The following CACNG2 variants were observed in gnomAD, a reference collection of about 807,000 sequenced individuals.
CACNG2 encodes the protein voltage-dependent calcium channel gamma-2 subunit.
CACNG2 carries 3 observed loss-of-function variants against 25.9 expected under a neutral mutation model. The ratio of observed to expected loss-of-function variants is 0.12; its 90% CI spans 0.05 to 0.30. CACNG2 has a LOEUF of 0.30. Among genes scored for constraint, CACNG2 ranks in the 10% least tolerant of loss-of-function variants. The pLI is 1.00. For missense variants in CACNG2, 341 were observed against 432.5 expected, an observed-to-expected ratio of 0.79 and a Z score of 1.88; for synonymous variants, 167 against 173.3, an observed-to-expected ratio of 0.96 and a Z score of 0.29.
At chr22:36,640,739 CAGCCAG>C in intron 1 of CACNG2, among the ~76,000 whole-genome samples, 1 of 152,362 alleles carries the variant, frequency 6.6e-6, no homozygotes, top group African/African-American at 2.4e-5. Context: ...GTCCACCCAG[CAGCCAG>C]AGCCAGCTTC....
chr22:36,614,255 C>T (rs1242028748), intron 1 of CACNG2, among the ~76,000 whole-genome samples: 1 of 152,186 alleles, frequency 6.6e-6, no homozygotes, highest in Admixed American at 6.5e-5. Context: ...CCACGTGCTT[C>T]CTGGCTGTCC....
At chr22:36,587,775 G>A (rs1361288200) in intron 1 of CACNG2, among the ~76,000 whole-genome samples, 1 of 152,226 alleles carries the variant, frequency 6.6e-6, no homozygotes, top group Non-Finnish European at 1.5e-5. Context: ...TCAAAACGCT[G>A]CCTTCTGTCC....
At chr22:36,615,082 C>A (rs1336245942) in intron 1 of CACNG2, among the ~76,000 whole-genome samples, 2 of 152,322 alleles carry the variant, frequency 1.3e-5, no homozygotes, top group African/African-American at 4.8e-5. Flanking sequence ...CACAATGTAC[C>A]TCCACTGCCC....
chr22:36,649,285 G>A (rs1936572878), intron 1 of CACNG2, among the ~76,000 whole-genome samples: 1 of 152,106 alleles, frequency 6.6e-6, no homozygotes, highest in Admixed American at 6.5e-5. Context: ...AATCCTGACA[G>A]CTCTACTTCC....
chr22:36,583,400 T>C lies in CACNG2; in HGVS notation c.295+4065A>G, dbSNP rs977487169. ...GTGAGCCAAGATTGTACCACTGCAC[T>C]CCAGCCTGGGTGACAGAGCAAGATT... On this transcript the variant is annotated intron_variant, in intron 2 of 3. Coordinates refer to ENST00000300105, the MANE Select transcript of CACNG2 (RefSeq NM_006078.5). 3.1e-4 allele frequency among the ~76,000 whole-genome samples: 45 copies of C among 147,358 alleles called. 1 individual carries two copies. The highest frequency in any genetic ancestry group is 8.6e-4 in the South Asian group (4 of 4,666).
chr22:36,692,734 A>G (rs889716643), intron 1 of CACNG2, among the ~76,000 whole-genome samples: 9 of 152,204 alleles, frequency 5.9e-5, no homozygotes, highest in Admixed American at 2.0e-4. Flanking sequence ...AAATTAGACA[A>G]GACTTTGGGG....
At chr22:36,600,600 G>T (rs1375223423) in intron 1 of CACNG2, among the ~76,000 whole-genome samples, 2 of 150,844 alleles carry the variant, frequency 1.3e-5, no homozygotes, top group African/African-American at 2.4e-5. Flanking sequence ...AGGCTGGAGT[G>T]CAGTGGTGTG....
intron 1 of CACNG2, among the ~76,000 whole-genome samples, chr22:36,654,829 G>C (rs993022868): frequency 6.6e-6 from 1 of 152,178 alleles, no homozygotes; most frequent in Admixed American, 6.5e-5. Context: ...CAAGTTCTCA[G>C]CTCCTTTAGG....
intron 1 of CACNG2, among the ~76,000 whole-genome samples, chr22:36,655,231 G>A (rs1302766527): frequency 6.6e-6 from 1 of 152,182 alleles, no homozygotes; most frequent in Admixed American, 6.5e-5. Context: ...TTGGAGGTCT[G>A]TAATTTGTTA....
At chr22:36,671,145 C>G (rs956884291) in intron 1 of CACNG2, among the ~76,000 whole-genome samples, 1 of 152,094 alleles carries the variant, frequency 6.6e-6, no homozygotes, top group African/African-American at 2.4e-5. Context: ...TCTTGAACTC[C>G]TGATCTCATG....
At chr22:36,691,722 G>T (rs563470013) in intron 1 of CACNG2, among the ~76,000 whole-genome samples, 112 of 152,272 alleles carry the variant, frequency 7.4e-4, no homozygotes, top group African/African-American at 2.6e-3. Flanking sequence ...GGGTATCACA[G>T]CACATATCTT....
At chr22:36,641,560 G>C (rs1223848983) in intron 1 of CACNG2, among the ~76,000 whole-genome samples, 1 of 152,240 alleles carries the variant, frequency 6.6e-6, no homozygotes, top group Non-Finnish European at 1.5e-5. Flanking sequence ...GGTCCAGTTG[G>C]AAGGGTGGAG....
Position 36,564,688 on chromosome 22 carries a change from G to T in CACNG2, c.635C>A (p.Ala212Asp), listed in dbSNP as rs931411438. The change falls in exon 4 of 4, where the codon GCC (alanine) becomes GAC (aspartate). Residue 212 changes from alanine (A) to aspartate (D), a missense_variant. Coordinates refer to ENST00000300105, the MANE Select transcript of CACNG2 (RefSeq NM_006078.5). The surrounding 1 kb of genome is among the most constrained non-coding windows in gnomAD (Gnocchi z 6.7). ...IDRHKQLRATARATDYLQASA... is the reference protein window; with the variant it reads ...IDRHKQLRATDRATDYLQASA... ...GGCCTGGAGGTAGTCCGTGGCGCGG[G>T]CCGTGGCCCGCAGCTGTTTGTGCCG... is the stretch of plus-strand genomic sequence containing the variant. The T allele has an allele frequency of 1.2e-6, 2 of 1,613,910 alleles. No homozygotes were observed. The highest frequency in any genetic ancestry group is 2.7e-5 in the African/African-American group (2 of 74,930).
chr22:36,590,154 C>T (rs997392478), intron 1 of CACNG2, among the ~76,000 whole-genome samples: 18 of 152,152 alleles, frequency 1.2e-4, no homozygotes, highest in Non-Finnish European at 7.4e-5. Context: ...TCACATTCTA[C>T]GGGGAGCCTA....
At chr22:36,659,643 C>T (rs551505704) in intron 1 of CACNG2, among the ~76,000 whole-genome samples, 4 of 7,120 alleles carry the variant, frequency 5.6e-4, no homozygotes, top group African/African-American at 2.4e-3. Flanking sequence ...ATTCTGGGGC[C>T]GGGGGAGGGA....
intron 1 of CACNG2, among the ~76,000 whole-genome samples, chr22:36,604,199 A>G (rs926287411): frequency 1.3e-5 from 2 of 152,200 alleles, no homozygotes; most frequent in African/African-American, 4.8e-5. Context: ...AAATAGGAAA[A>G]CAGCTAGAAT....
chr22:36,625,707 C>A (rs1287064506), intron 1 of CACNG2, among the ~76,000 whole-genome samples: 1 of 152,130 alleles, frequency 6.6e-6, no homozygotes, highest in South Asian at 2.1e-4. Flanking sequence ...TTATCTTTAA[C>A]TACAGTTTAA....
chr22:36,689,205 A>G (rs1937239179), intron 1 of CACNG2, among the ~76,000 whole-genome samples: 1 of 152,118 alleles, frequency 6.6e-6, no homozygotes, highest in African/African-American at 2.4e-5. Context: ...GGTCTCCTTC[A>G]GAGCAGGGGC....
At position 36,563,838 on chromosome 22, in the gene CACNG2, C is replaced by T. The variant is rs1203408585; in HGVS notation, c.*513G>A. On this transcript the variant is annotated 3_prime_UTR_variant, in exon 4 of 4. Transcript: ENST00000300105. ...AAAGGGAACAGAAAAGTAACTCTCC[C>T]CGAGTTAAAAAAAAAAAAAAAAAGT... 1 of 140,130 alleles carries T rather than the reference C, an allele frequency of 7.1e-6. No individual in the cohort carries two copies. Among genetic ancestry groups the T allele is most frequent in the African/African-American group, 2.7e-5 (1 of 37,120 alleles). 8.7% of individuals were successfully genotyped at this position (140,130 alleles called of 1,614,324 possible). A position where few individuals can be genotyped will look rare whatever the true frequency, so the allele number is the denominator to read the frequency against.
Sources: gnomAD v4.1 joint callset for allele counts (sites outside exome capture counted in the v4.1 genomes callset) on GRCh38, gnomAD v4.1.1 for gene constraint, Gnocchi (gnomAD v3.1) non-coding constraint, MANE v1.5 for transcripts, NCBI Gene and HGNC (gene_info 2026-07-23, HGNC 2026-07-21) for gene names.